The following GATAD2B variants were observed in gnomAD, a reference collection of about 807,000 sequenced individuals.
GATAD2B encodes GATA zinc finger domain containing 2B.
In GATAD2B, 8 loss-of-function variants were observed where a neutral mutation model predicts 64.3. The ratio of observed to expected loss-of-function variants is 0.12; its 90% CI spans 0.07 to 0.22. The LOEUF is 0.22. GATAD2B is among the 10% of genes least tolerant of loss of function. The probability of loss-of-function intolerance (pLI) is 1.00; values close to 1 mark genes in which losing one functional copy is unlikely to be tolerated. For missense variants in GATAD2B, 453 were observed against 752.0 expected, an observed-to-expected ratio of 0.60 and a Z score of 4.65; for synonymous variants, 281 against 271.3, an observed-to-expected ratio of 1.04 and a Z score of -0.35.
At chr1:153,873,452 G>A (rs1352580845) in intron 1 of GATAD2B, among the ~76,000 whole-genome samples, 2 of 152,264 alleles carry the variant, frequency 1.3e-5, no homozygotes, top group Non-Finnish European at 2.9e-5. Flanking sequence ...TCAGATTAAT[G>A]GGTTATTCAG....
intron 1 of GATAD2B, among the ~76,000 whole-genome samples, chr1:153,849,658 T>C (rs1675818602): frequency 6.6e-6 from 1 of 152,126 alleles, no homozygotes; most frequent in Admixed American, 6.6e-5. Flanking sequence ...TTTGAGACAG[T>C]TTCACTCTTT....
chr1:153,878,822 G>C (rs1264131919), intron 1 of GATAD2B, among the ~76,000 whole-genome samples: 1 of 131,658 alleles, frequency 7.6e-6, no homozygotes, highest in Non-Finnish European at 1.5e-5. Context: ...GTGTCGCCCA[G>C]GCTGGAGTGC....
intron 1 of GATAD2B, among the ~76,000 whole-genome samples, chr1:153,890,248 G>A (rs553830577): frequency 4.6e-5 from 7 of 151,370 alleles, no homozygotes; most frequent in African/African-American, 1.5e-4. Context: ...CCAACACTAT[G>A]GGAGGCCGAG....
At chr1:153,852,465 C>A (rs1002739144) in intron 1 of GATAD2B, 1 of 756,636 alleles carries the variant, frequency 1.3e-6, no homozygotes, top group Non-Finnish European at 2.5e-6. Context: ...AGTCAGGTTG[C>A]AGGCAATAGC....
At chr1:153,884,102 G>T (rs985327644) in intron 1 of GATAD2B, among the ~76,000 whole-genome samples, 2 of 151,650 alleles carry the variant, frequency 1.3e-5, no homozygotes, top group African/African-American at 4.8e-5. Context: ...TTCGACACCA[G>T]CCTGGCCAAC....
Position 153,868,295 on chromosome 1 carries a change from T to A in GATAD2B, c.-1-39947A>T, listed in dbSNP as rs948592617. On this transcript the variant is annotated intron_variant, in intron 1 of 10. Coordinates refer to ENST00000368655, the MANE Select transcript of GATAD2B (RefSeq NM_020699.4). ...ATTCCATGTTAACATAACTTCTTTATGAAAAATATTTTCCAAAATAACAGA... is the reference window on the plus strand; with the variant it reads ...ATTCCATGTTAACATAACTTCTTTAAGAAAAATATTTTCCAAAATAACAGA... 7.9e-5 allele frequency among the ~76,000 whole-genome samples: 12 copies of A among 152,326 alleles called. No homozygotes were observed. The East Asian group carries it at 2.3e-3, about 29-fold the overall frequency.
intron 1 of GATAD2B, among the ~76,000 whole-genome samples, chr1:153,912,460 C>A (rs968321944): frequency 6.6e-6 from 1 of 152,164 alleles, no homozygotes; most frequent in Non-Finnish European, 1.5e-5. Context: ...TGCATGGACA[C>A]TTATTAAAGG....
chr1:153,813,050 G>A (rs1429187949), intron 8 of GATAD2B, among the ~76,000 whole-genome samples, 200 bp downstream of exon 8: 1 of 152,134 alleles, frequency 6.6e-6, no homozygotes, highest in East Asian at 1.9e-4. Context: ...GTCCCTTTCT[G>A]TTAACCTCAG....
At chr1:153,894,633 C>G (rs1054146432) in intron 1 of GATAD2B, among the ~76,000 whole-genome samples, 6 of 151,986 alleles carry the variant, frequency 3.9e-5, no homozygotes, top group African/African-American at 9.7e-5. Flanking sequence ...GAGGCCGAGA[C>G]AGGCAGATCA....
rs185371650 is a variant in GATAD2B, at chr1:153,818,683, G to A, written c.597+108C>T. The A allele has an allele frequency of 8.7e-4, 822 of 949,712 alleles. 9 individuals carry two copies. The African/African-American group carries it at 0.011, about 13-fold the overall frequency. 58.8% of individuals were successfully genotyped at this position (949,712 alleles called of 1,614,324 possible). A position where few individuals can be genotyped will look rare whatever the true frequency, so the allele number is the denominator to read the frequency against. On this transcript the variant is annotated intron_variant, in intron 4 of 10. Coordinates refer to ENST00000368655, the MANE Select transcript of GATAD2B (RefSeq NM_020699.4). Reference sequence around the variant, plus strand: ...CTACTACTACAGACTAAAAAACTACGGACCCAGAGAAGAAATGAGCCACCC... The same window carrying A: ...CTACTACTACAGACTAAAAAACTACAGACCCAGAGAAGAAATGAGCCACCC...
intron 1 of GATAD2B, among the ~76,000 whole-genome samples, chr1:153,872,945 CTTCATCAAGAACATTCTTAAA>C (rs968577572): frequency 3.3e-5 from 5 of 152,116 alleles, no homozygotes; most frequent in Non-Finnish European, 7.4e-5. Flanking sequence ...ATTTTTACTG[CTTCATCAAGAACATTCTTAAA>C]TGAAACTTTT....
At chr1:153,859,513 T>C (rs937967116) in intron 1 of GATAD2B, among the ~76,000 whole-genome samples, 1 of 151,490 alleles carries the variant, frequency 6.6e-6, no homozygotes, top group Non-Finnish European at 1.5e-5. Context: ...CTACTAAAAA[T>C]ACAAAAATTA....
rs374014588 is a variant in GATAD2B, at chr1:153,897,210, T to C, written c.-2+25523A>G. Among the ~76,000 whole-genome samples the C allele has an allele frequency of 3.7e-3, 566 of 152,084 alleles. 11 individuals carry two copies. The South Asian group carries it at 0.05, about 13-fold the overall frequency. On this transcript the variant is annotated intron_variant, in intron 1 of 10. Transcript: ENST00000368655. ...TCACCCAGCTAATTTTTTGTATTTT[T>C]AGTAGAGACGGGGTTTCACTGTGTT... is the stretch of plus-strand genomic sequence containing the variant.
rs758318783 is a variant in GATAD2B, at chr1:153,828,333, T to C, written c.15A>G (p.Thr5=). 4 of 1,609,310 alleles carry C rather than the reference T, an allele frequency of 2.5e-6. No homozygotes were observed. Among genetic ancestry groups the C allele is most frequent in the Non-Finnish European group, 3.4e-6 (4 of 1,179,686 alleles). The change falls in exon 2 of 11, where the codon ACA becomes ACG. Residue 5 remains threonine (T), a synonymous_variant. Coordinates refer to ENST00000368655, the MANE Select transcript of GATAD2B (RefSeq NM_020699.4). ...ACAGATTCAAGCGAAGAGCATCTTC[T>C]GTCATTCTATCCATCCTATGGAAAG... The part of the protein sequence containing the change: MDRM[T]EDALRLNLLK...
intron 1 of GATAD2B, among the ~76,000 whole-genome samples, chr1:153,854,187 G>A (rs543263058): frequency 6.6e-6 from 1 of 152,252 alleles, no homozygotes; most frequent in East Asian, 1.9e-4. Flanking sequence ...CGGATCGTGA[G>A]GTCAGGAGAT....
At chr1:153,921,842 T>C (rs1678443367) in intron 1 of GATAD2B, 1 of 152,216 alleles carries the variant, frequency 6.6e-6, no homozygotes, top group Admixed American at 6.5e-5. Flanking sequence ...ACCATACCTT[T>C]ATGAAACGGG....
At chr1:153,904,259 G>A (rs1053741819) in intron 1 of GATAD2B, among the ~76,000 whole-genome samples, 3 of 151,376 alleles carry the variant, frequency 2.0e-5, no homozygotes. Flanking sequence ...CAGCCTGGGT[G>A]AAACACTGAA....
chr1:153,895,616 T>G (rs948789011), intron 1 of GATAD2B, among the ~76,000 whole-genome samples: 3 of 150,896 alleles, frequency 2.0e-5, no homozygotes, highest in Admixed American at 1.3e-4. Context: ...GAAGAAAAAA[T>G]AAAAAGAACG....
In GATAD2B at chr1:153,810,211, C is replaced by T. The variant is rs377116665; in HGVS notation, c.1748G>A (p.Arg583Gln). Residue 583 changes from arginine to glutamine, a missense_variant, in exon 11 of 11, where the codon CGG becomes CAG. Arg to Gln is a conservative substitution (Grantham distance 43). Coordinates refer to ENST00000368655, the MANE Select transcript of GATAD2B (RefSeq NM_020699.4). ...TCCACTGATGGACTGCGATATAGAC[C>T]GGGGAGGGATCATGTCTAAAAGGTA... ...REYLLDMIPP[R>Q]SISQSISGQK The T allele has an allele frequency of 1.2e-6, 2 of 1,612,708 alleles. No individual in the cohort carries two copies. The highest frequency in any genetic ancestry group is 1.7e-6 in the Non-Finnish European group (2 of 1,179,426).
Sources: allele counts gnomAD v4.1 joint callset (sites outside exome capture counted in the v4.1 genomes callset), GRCh38; gene constraint gnomAD v4.1.1; transcripts MANE v1.5; gene names NCBI Gene and HGNC (gene_info 2026-07-23, HGNC 2026-07-21).